DLGAP2: variants seen among roughly 807,000 people sequenced by gnomAD.
DLGAP2 encodes disks large-associated protein 2.
A neutral mutation model predicts 100.3 loss-of-function variants in DLGAP2; 26 were observed. The observed-to-expected ratio is 0.26, with a 90% CI of 0.19 to 0.36. The LOEUF (loss-of-function observed/expected upper bound fraction) is 0.36, where lower values mean the gene tolerates loss of function less well. Ranked by LOEUF, DLGAP2 falls within the 10% of genes least tolerant of loss-of-function variation. The probability of loss-of-function intolerance (pLI) is 1.00; values close to 1 mark genes in which losing one functional copy is unlikely to be tolerated. For missense variants in DLGAP2, 1,858 were observed against 1,453.2 expected (o/e 1.28, Z -4.53); for synonymous variants, 886 against 630.1 (o/e 1.41, Z -6.08).
At chr8:1,085,458 C>G (rs1340596729) in intron 2 of DLGAP2, among the ~76,000 whole-genome samples, 1 of 152,156 alleles carries the variant, frequency 6.6e-6, no homozygotes. Flanking sequence ...TCTTTTCCCC[C>G]TAAGTTTTCC....
intron 1 of DLGAP2, among the ~76,000 whole-genome samples, chr8:766,258 C>A (rs1325919889): frequency 6.6e-6 from 1 of 152,240 alleles, no homozygotes; most frequent in African/African-American, 2.4e-5. Flanking sequence ...TATGCACACA[C>A]ACCCTAGGTG....
Position 946,085 on chromosome 8 carries a change from C to A in DLGAP2, c.73+38119C>A, listed in dbSNP as rs965654908. 5.2e-5 allele frequency among the ~76,000 whole-genome samples: 6 copies of A among 115,348 alleles called. No homozygotes were observed. In the Admixed American group the frequency reaches 6.0e-4, roughly 12 times the overall value. 75.7% of individuals were successfully genotyped at this position (115,348 alleles called of 152,430 possible). A position where few individuals can be genotyped will look rare whatever the true frequency, so the allele number is the denominator to read the frequency against. ...GGGCTGCAGCCTCCTGTGCTCAGCA[C>A]CCCCATTTGTGTGTCCCTGTGATTG... On this transcript the variant is annotated intron_variant, in intron 2 of 14. Transcript: ENST00000637795.
chr8:1,105,214 A>C (rs1355365524), intron 2 of DLGAP2: 1 of 152,256 alleles, frequency 6.6e-6, no homozygotes, highest in African/African-American at 2.4e-5. Flanking sequence ...TATGTGATCC[A>C]TTCTACAGAG....
chr8:1,218,396 T>C (rs769276831), intron 2 of DLGAP2, among the ~76,000 whole-genome samples: 3 of 152,210 alleles, frequency 2.0e-5, no homozygotes, highest in African/African-American at 4.8e-5. Flanking sequence ...ATCAGTTGGT[T>C]GTAGGTGTGC....
Position 964,452 on chromosome 8 carries a change from T to C in DLGAP2, c.73+56486T>C, listed in dbSNP as rs575728200. 1.4e-4 allele frequency among the ~76,000 whole-genome samples: 21 copies of C among 152,368 alleles called. No individual in the cohort carries two copies. In the Middle Eastern group the frequency reaches 0.01, roughly 74 times the overall value. ...AGCAGAGTCGCAGAGGACCCAGCCT[T>C]TTATTCAAAGCCTATCGTAAGTCAA... On this transcript the variant is annotated intron_variant, in intron 2 of 14. Coordinates refer to ENST00000637795, the MANE Select transcript of DLGAP2 (RefSeq NM_001346810.2).
chr8:1,424,637 G>A (rs2129950261), intron 3 of DLGAP2, among the ~76,000 whole-genome samples: 1 of 152,228 alleles, frequency 6.6e-6, no homozygotes, highest in South Asian at 2.1e-4. Context: ...CAGACAGAAG[G>A]CCGGATAGGA....
intron 1 of DLGAP2, among the ~76,000 whole-genome samples, chr8:902,042 T>G (rs893760457): frequency 6.6e-6 from 1 of 152,140 alleles, no homozygotes; most frequent in African/African-American, 2.4e-5. Context: ...CAAGCCATGG[T>G]CATCGGAACC....
intron 4 of DLGAP2, among the ~76,000 whole-genome samples, chr8:1,520,976 T>C (rs1007396823): frequency 1.3e-5 from 2 of 152,198 alleles, no homozygotes; most frequent in African/African-American, 4.8e-5. Flanking sequence ...CCACGGGTAA[T>C]GAAAGAGTTC....
chr8:1,157,349 G>T (rs1183717548), intron 2 of DLGAP2, among the ~76,000 whole-genome samples: 1 of 152,166 alleles, frequency 6.6e-6, no homozygotes, highest in East Asian at 1.9e-4. Flanking sequence ...AGCGACGACG[G>T]CCCTCAGGGA....
chr8:1,287,050 G>A (rs1162061697), intron 3 of DLGAP2, among the ~76,000 whole-genome samples: 1 of 152,224 alleles, frequency 6.6e-6, no homozygotes, highest in Non-Finnish European at 1.5e-5. Context: ...AGTGTTGTGT[G>A]TGTACATGGT....
intron 2 of DLGAP2, among the ~76,000 whole-genome samples, chr8:1,087,237 A>G (rs375965332): frequency 1.3e-5 from 2 of 152,250 alleles, no homozygotes; most frequent in African/African-American, 4.8e-5. Flanking sequence ...CAATTTTAAG[A>G]GGAAAGTTTA....
chr8:1,487,834 C>T (rs1232664644), intron 3 of DLGAP2, among the ~76,000 whole-genome samples: 2 of 152,182 alleles, frequency 1.3e-5, no homozygotes. Context: ...TCCTCACTAC[C>T]TGCCAGCAGG....
chr8:833,707 C>T (rs1796822274), intron 1 of DLGAP2, among the ~76,000 whole-genome samples: 1 of 152,130 alleles, frequency 6.6e-6, no homozygotes, highest in Non-Finnish European at 1.5e-5. Context: ...ACAGTGTAGA[C>T]TTCTTTGGGG....
intron 3 of DLGAP2, among the ~76,000 whole-genome samples, chr8:1,498,258 A>T (rs1048007506): frequency 6.0e-4 from 92 of 152,120 alleles, no homozygotes; most frequent in African/African-American, 2.2e-3. Context: ...AAGAGGATGG[A>T]TGGTAAGTGT....
intron 8 of DLGAP2, among the ~76,000 whole-genome samples, chr8:1,645,332 C>T (rs990189168): frequency 6.6e-6 from 1 of 152,184 alleles, no homozygotes; most frequent in Non-Finnish European, 1.5e-5. Context: ...AGGAGATAGT[C>T]AACACATTAT....
At chr8:934,879 G>A (rs1584902760) in intron 2 of DLGAP2, among the ~76,000 whole-genome samples, 1 of 152,174 alleles carries the variant, frequency 6.6e-6, no homozygotes, top group Non-Finnish European at 1.5e-5. Context: ...GTGATTTGCT[G>A]TCCAAAGATA....
intron 7 of DLGAP2, among the ~76,000 whole-genome samples, chr8:1,631,688 G>A (rs1797651337): frequency 6.6e-6 from 1 of 152,208 alleles, no homozygotes; most frequent in African/African-American, 2.4e-5. Context: ...CTGCAGGGTG[G>A]CTTCAGGCTT....
intron 2 of DLGAP2, among the ~76,000 whole-genome samples, chr8:1,018,000 C>G (rs139161858): frequency 8.2e-4 from 125 of 152,276 alleles, no homozygotes; most frequent in African/African-American, 2.9e-3. Flanking sequence ...CTGAACTATT[C>G]CCACCCCATC....
At chr8:1,603,230 G>C (rs1444665964) in intron 6 of DLGAP2, among the ~76,000 whole-genome samples, 1 of 150,794 alleles carries the variant, frequency 6.6e-6, no homozygotes, top group Non-Finnish European at 1.5e-5. Flanking sequence ...TGGAGGCTGG[G>C]TCTCAGTTCT....
Sources: gnomAD v4.1 joint callset for allele counts (sites outside exome capture counted in the v4.1 genomes callset) on GRCh38, gnomAD v4.1.1 for gene constraint, MANE v1.5 for transcripts, NCBI Gene and HGNC (gene_info 2026-07-23, HGNC 2026-07-21) for gene names.